ICA1L: variants seen among roughly 807,000 people sequenced by gnomAD.
The protein encoded by ICA1L is islet cell autoantigen 1-like protein.
A neutral mutation model predicts 61.3 loss-of-function variants in ICA1L; 50 were observed. The ratio of observed to expected loss-of-function variants is 0.82; its 90% CI spans 0.65 to 1.03. ICA1L has a LOEUF of 1.03. Ranked by LOEUF, ICA1L falls within the 50% of genes least tolerant of loss-of-function variation. The probability of loss-of-function intolerance (pLI) is 0.00; values close to 1 mark genes in which losing one functional copy is unlikely to be tolerated. For synonymous variants in ICA1L, 161 were observed against 191.3 expected (o/e 0.84, Z 1.31); for missense variants, 508 against 556.7 (o/e 0.91, Z 0.88).
At chr2:202,834,553 G>A (rs1199741005) in intron 1 of ICA1L, among the ~76,000 whole-genome samples, 2 of 152,046 alleles carry the variant, frequency 1.3e-5, no homozygotes, top group Non-Finnish European at 1.5e-5. Context: ...ACTTGACACT[G>A]GGAGGTGGAG....
At chr2:202,857,804 G>A (rs1482293956) in intron 1 of ICA1L, among the ~76,000 whole-genome samples, 1 of 152,114 alleles carries the variant, frequency 6.6e-6, no homozygotes, top group East Asian at 1.9e-4. Flanking sequence ...ATCAAAAAGT[G>A]GGCAAAGGAT....
chr2:202,831,409 C>T (rs1559141448), intron 1 of ICA1L, among the ~76,000 whole-genome samples: 2 of 152,112 alleles, frequency 1.3e-5, no homozygotes, highest in Admixed American at 6.6e-5. Context: ...CTCTCAACTG[C>T]TTTCAGTCCT....
At chr2:202,839,336 T>C (rs545094129) in intron 1 of ICA1L, among the ~76,000 whole-genome samples, 1 of 151,936 alleles carries the variant, frequency 6.6e-6, no homozygotes, top group South Asian at 2.1e-4. Context: ...CCGTCTCTAC[T>C]AAAAATATAA....
At position 202,774,443 on chromosome 2, in the gene ICA1L, A is replaced by G. The variant is rs924831883; in HGVS notation, c.*5090T>C. The G allele has an allele frequency of 4.9e-6, 3 of 606,938 alleles. No individual in the cohort carries two copies. Among genetic ancestry groups the G allele is most frequent in the Non-Finnish European group, 7.6e-6 (3 of 396,928 alleles). The allele number at this position is 606,938 out of a possible 1,614,324, so 37.6% of individuals were successfully genotyped here. On this transcript the variant is annotated 3_prime_UTR_variant, in exon 13 of 13. Coordinates refer to ENST00000358299, the MANE Select transcript of ICA1L (RefSeq NM_001288622.3). Reference sequence around the variant, plus strand: ...CCCTGGCTCCCCGTTCGTCCAGGCCAGCTCAAGAAACAACTTTTTCTTTCA... The same window carrying G: ...CCCTGGCTCCCCGTTCGTCCAGGCCGGCTCAAGAAACAACTTTTTCTTTCA...
intron 1 of ICA1L, among the ~76,000 whole-genome samples, chr2:202,860,936 G>C (rs1461166755): frequency 6.6e-6 from 1 of 151,418 alleles, no homozygotes; most frequent in Non-Finnish European, 1.5e-5. Context: ...AATTTATCAA[G>C]AAGACATAGC....
At chr2:202,809,718 G>A (rs989724148) in intron 9 of ICA1L, among the ~76,000 whole-genome samples, 8 of 152,004 alleles carry the variant, frequency 5.3e-5, no homozygotes, top group South Asian at 4.1e-4. Flanking sequence ...GAACCCAGGA[G>A]GCAGAGGTTG....
intron 8 of ICA1L, among the ~76,000 whole-genome samples, chr2:202,814,059 T>C (rs771332263): frequency 2.6e-5 from 4 of 152,120 alleles, no homozygotes; most frequent in Non-Finnish European, 4.4e-5. Flanking sequence ...TGTTAAAAAA[T>C]GGAAAAAATT....
rs1692293346 is a variant in ICA1L, at chr2:202,778,459, G to GAAGT, written c.*1070_*1073dup. On this transcript the variant is annotated 3_prime_UTR_variant, in exon 13 of 13. Coordinates refer to ENST00000358299, the MANE Select transcript of ICA1L (RefSeq NM_001288622.3). Reference sequence around the variant, plus strand: ...AGATCATGTCACCCACAGAAAGAGGGAAGTAGAAAAATGAGACACTCCCTT... The same window carrying GAAGT: ...AGATCATGTCACCCACAGAAAGAGGGAAGTAAGTAGAAAAATGAGACACTCCCTT... The GAAGT allele has an allele frequency of 6.6e-6, 1 of 152,126 alleles. No individual in the cohort carries two copies. Among genetic ancestry groups the GAAGT allele is most frequent in the African/African-American group, 2.4e-5 (1 of 41,436 alleles). 9.4% of individuals were successfully genotyped at this position (152,126 alleles called of 1,614,324 possible).
intron 5 of ICA1L, 51 bp from the exon 6 acceptor site, chr2:202,817,594 A>ATATATC: frequency 9.6e-7 from 1 of 1,045,938 alleles, no homozygotes. Flanking sequence ...TAAATATAGT[A>ATATATC]TGTTATTACA....
intron 1 of ICA1L, among the ~76,000 whole-genome samples, chr2:202,860,795 C>T (rs527983406): frequency 3.0e-4 from 46 of 151,992 alleles, no homozygotes; most frequent in Non-Finnish European, 5.1e-4. Context: ...CACAAATACA[C>T]GGAGAAGTTA....
rs1692316047 is a variant in ICA1L at position 202,779,126 on chromosome 2, T to C, written c.*407A>G. Reference sequence around the variant, plus strand: ...CCAAACCACAACCCAATTTACATGCTATCTATCTATCTTTGTTATCCACAT... The same window carrying C: ...CCAAACCACAACCCAATTTACATGCCATCTATCTATCTTTGTTATCCACAT... On this transcript the variant is annotated 3_prime_UTR_variant, in exon 13 of 13. Transcript: ENST00000358299. The C allele has an allele frequency of 6.4e-6, 1 of 155,606 alleles. No individual in the cohort carries two copies. The highest frequency in any genetic ancestry group is 6.5e-5 in the Admixed American group (1 of 15,470). 9.6% of individuals were successfully genotyped at this position (155,606 alleles called of 1,614,324 possible).
At chr2:202,845,959 C>G (rs558210215) in intron 1 of ICA1L, among the ~76,000 whole-genome samples, 4 of 152,324 alleles carry the variant, frequency 2.6e-5, no homozygotes, top group South Asian at 2.1e-4. Context: ...CCTGCTTACT[C>G]TGGCTCCTAA....
At chr2:202,827,266 C>T (rs1693871715) in intron 2 of ICA1L, among the ~76,000 whole-genome samples, 1 of 152,082 alleles carries the variant, frequency 6.6e-6, no homozygotes, top group Non-Finnish European at 1.5e-5. Flanking sequence ...TGGTGGCAGG[C>T]TCCTGTAATC....
At position 202,829,397 on chromosome 2, in the gene ICA1L, A is replaced by C. The variant is rs546037121; in HGVS notation, c.-7-381T>G. On this transcript the variant is annotated intron_variant, in intron 1 of 12. Coordinates refer to ENST00000358299, the MANE Select transcript of ICA1L (RefSeq NM_001288622.3). ...CAAACAAAAAAACCAAAAAAAACTCAATAAATATGTTTAGCTAGCCAATAT... is the reference window on the plus strand; with the variant it reads ...CAAACAAAAAAACCAAAAAAAACTCCATAAATATGTTTAGCTAGCCAATAT... 2.0e-5 allele frequency among the ~76,000 whole-genome samples: 3 copies of C among 152,294 alleles called. No individual in the cohort carries two copies. In the East Asian group the frequency reaches 5.8e-4, roughly 29 times the overall value.
chr2:202,838,138 C>T (rs939254527), intron 1 of ICA1L, among the ~76,000 whole-genome samples: 1 of 152,122 alleles, frequency 6.6e-6, no homozygotes, highest in Admixed American at 6.6e-5. Context: ...ACAGGTGTAG[C>T]CACTGTTCCC....
At chr2:202,861,326 A>C (rs962691284) in intron 1 of ICA1L, among the ~76,000 whole-genome samples, 9 of 137,472 alleles carry the variant, frequency 6.5e-5, no homozygotes, top group African/African-American at 2.4e-4. Context: ...AATCACTTGA[A>C]CCTGGGAGGC....
At chr2:202,792,721 A>G (rs1692790958) in intron 10 of ICA1L, among the ~76,000 whole-genome samples, 1 of 151,964 alleles carries the variant, frequency 6.6e-6, no homozygotes, top group African/African-American at 2.4e-5. Flanking sequence ...CAGGAGAATC[A>G]CTTGAACCCA....
intron 1 of ICA1L, chr2:202,871,385 G>T (rs892671336): frequency 2.6e-5 from 4 of 152,152 alleles, no homozygotes; most frequent in African/African-American, 9.7e-5. Context: ...GGGGAGGCCG[G>T]AAGAACCCCG....
intron 10 of ICA1L, among the ~76,000 whole-genome samples, chr2:202,790,780 G>A (rs1692723040): frequency 6.6e-6 from 1 of 152,072 alleles, no homozygotes; most frequent in African/African-American, 2.4e-5. Context: ...GAAGAAAGAG[G>A]CAAGCCAAGA....
Sources: gnomAD v4.1 joint callset for allele counts (sites outside exome capture counted in the v4.1 genomes callset) on GRCh38, gnomAD v4.1.1 for gene constraint, MANE v1.5 for transcripts, NCBI Gene and HGNC (gene_info 2026-07-23, HGNC 2026-07-21) for gene names.